The following P3H2 variants were observed in gnomAD, a reference collection of about 807,000 sequenced individuals.
P3H2 encodes leprecan-like 1.
Under a neutral mutation model 87.0 loss-of-function variants are expected in P3H2, and 80 were observed. The observed-to-expected ratio is 0.92, with a 90% CI of 0.77 to 1.11. P3H2 has a LOEUF of 1.11. P3H2 is among the 50% of genes least tolerant of loss of function. The pLI is 0.00. For missense variants in P3H2, 1,001 were observed against 923.9 expected, an observed-to-expected ratio of 1.08 and a Z score of -1.08; for synonymous variants, 367 against 359.3, an observed-to-expected ratio of 1.02 and a Z score of -0.24.
At position 189,994,012 on chromosome 3, in the gene P3H2, T is replaced by C. The variant is rs1028748968; in HGVS notation, c.823+82A>G. ...TTTATTTTTACAGTATATTCTTCTA[T>C]TTTGCTGGAATAGTTTTTTACAAAT... On this transcript the variant is annotated intron_variant, in intron 3 of 14. Coordinates refer to ENST00000319332, the MANE Select transcript of P3H2 (RefSeq NM_018192.4). 42 of 1,037,840 alleles carry C rather than the reference T, an allele frequency of 4.0e-5. No individual in the cohort carries two copies. The Admixed American group carries it at 7.7e-4, about 19-fold the overall frequency. The allele number at this position is 1,037,840 out of a possible 1,614,324, so 64.3% of individuals were successfully genotyped here.
chr3:190,058,898 A>G (rs931584563), intron 1 of P3H2, among the ~76,000 whole-genome samples: 2 of 152,222 alleles, frequency 1.3e-5, no homozygotes, highest in African/African-American at 4.8e-5. Context: ...AGGAGACTTT[A>G]CAGTGAAACA....
At chr3:190,019,750 G>A (rs1179672679) in intron 1 of P3H2, among the ~76,000 whole-genome samples, 1 of 114,962 alleles carries the variant, frequency 8.7e-6, no homozygotes, top group Non-Finnish European at 1.8e-5. Flanking sequence ...GGAAGAAAAG[G>A]AAAAAATCCA....
At chr3:190,061,688 C>T (rs545937432) in intron 1 of P3H2, among the ~76,000 whole-genome samples, 10 of 152,262 alleles carry the variant, frequency 6.6e-5, no homozygotes, top group African/African-American at 2.4e-4. Flanking sequence ...GCCTTGCCTC[C>T]TTCTAACTCA....
chr3:189,982,746 G>A (rs1454794558), intron 8 of P3H2, among the ~76,000 whole-genome samples: 1 of 152,184 alleles, frequency 6.6e-6, no homozygotes, highest in Non-Finnish European at 1.5e-5. Context: ...ATAGGAAATT[G>A]CTAAGCCTCC....
intron 1 of P3H2, among the ~76,000 whole-genome samples, chr3:190,060,810 G>A (rs531498148): frequency 4.9e-4 from 75 of 152,234 alleles, no homozygotes; most frequent in African/African-American, 1.7e-3. Context: ...GTACTAACAT[G>A]CTAAAAATAT....
chr3:190,099,245 A>G (rs184896245), intron 1 of P3H2, among the ~76,000 whole-genome samples: 1 of 152,352 alleles, frequency 6.6e-6, no homozygotes, highest in African/African-American at 2.4e-5. Context: ...GGAACGAAGA[A>G]TAAACTTCTG....
intron 1 of P3H2, among the ~76,000 whole-genome samples, chr3:190,004,257 A>G (rs1372119919): frequency 6.6e-6 from 1 of 152,238 alleles, no homozygotes; most frequent in Admixed American, 6.5e-5. Context: ...ATGGCCATTT[A>G]TTGAGTTTGT....
chr3:190,072,182 C>T (rs766434669), intron 1 of P3H2, among the ~76,000 whole-genome samples: 2 of 151,978 alleles, frequency 1.3e-5, no homozygotes, highest in Non-Finnish European at 2.9e-5. Context: ...TGTGCCACCA[C>T]GCTTGGCTAA....
intron 1 of P3H2, among the ~76,000 whole-genome samples, chr3:190,112,955 T>G (rs996858000): frequency 3.3e-5 from 5 of 152,148 alleles, no homozygotes; most frequent in African/African-American, 9.7e-5. Context: ...GGAGGAATTA[T>G]TTTTCCTAAT....
chr3:190,003,008 G>T lies in P3H2; in HGVS notation c.481-7566C>A, dbSNP rs12629493. On this transcript the variant is annotated intron_variant, in intron 1 of 14. Coordinates refer to ENST00000319332, the MANE Select transcript of P3H2 (RefSeq NM_018192.4). ...AAATGAACTTATCTTTGCATTTATG[G>T]AATGTCACTCTAAAATACAGTCATA... is the stretch of plus-strand genomic sequence containing the variant. Among the ~76,000 whole-genome samples the T allele has an allele frequency of 2.4e-3, 361 of 152,176 alleles. 1 individual carries two copies. The highest frequency in any genetic ancestry group is 0.015 in the South Asian group (70 of 4,818).
At chr3:189,973,190 G>T (rs1255966251) in intron 10 of P3H2, 166 bp from the exon 11 acceptor site, 4 of 622,052 alleles carry the variant, frequency 6.4e-6, no homozygotes, top group African/African-American at 3.7e-5. Flanking sequence ...TGTGCCATTG[G>T]AATAAACTCT....
chr3:190,046,331 T>C (rs955178437), intron 1 of P3H2, among the ~76,000 whole-genome samples: 8 of 152,174 alleles, frequency 5.3e-5, no homozygotes, highest in Non-Finnish European at 7.3e-5. Context: ...AGATAACTCA[T>C]GCCAAACACC....
At chr3:189,965,995 A>G (rs1244992854) in intron 13 of P3H2, among the ~76,000 whole-genome samples, 3 of 150,606 alleles carry the variant, frequency 2.0e-5, no homozygotes, top group Non-Finnish European at 4.4e-5. Context: ...AAGAAAGAAA[A>G]GAAAGAAGAG....
At position 190,089,048 on chromosome 3, in the gene P3H2, G is replaced by A. The variant is rs571071382; in HGVS notation, c.480+31204C>T. Among the ~76,000 whole-genome samples, 12 of 152,278 alleles carry A rather than the reference G, an allele frequency of 7.9e-5. No individual in the cohort carries two copies. The South Asian group carries it at 2.5e-3, about 32-fold the overall frequency. On this transcript the variant is annotated intron_variant, in intron 1 of 14. Transcript: ENST00000319332. ...CGTGGTGTCCCCAGGCAGATATTGG[G>A]AGCTCCACACTGACACCATATTCTC... is the stretch of plus-strand genomic sequence containing the variant.
At chr3:190,116,705 T>G (rs1560024700) in intron 1 of P3H2, 1 of 152,244 alleles carries the variant, frequency 6.6e-6, no homozygotes, top group African/African-American at 2.4e-5. Context: ...CACTGAAGGT[T>G]TCTGAGCAGA....
At chr3:190,016,639 T>C (rs1381169489) in intron 1 of P3H2, among the ~76,000 whole-genome samples, 1 of 152,256 alleles carries the variant, frequency 6.6e-6, no homozygotes, top group Admixed American at 6.5e-5. Flanking sequence ...TAATGCCAAG[T>C]TTGCAAATTA....
chr3:189,970,715 G>T, intron 13 of P3H2, 101 bp downstream of exon 13: 1 of 749,544 alleles, frequency 1.3e-6, no homozygotes, highest in Non-Finnish European at 2.4e-6. Context: ...GAAATCTTGA[G>T]CTCAGAAGTA....
chr3:190,062,002 T>C (rs997229598), intron 1 of P3H2, among the ~76,000 whole-genome samples: 2 of 152,096 alleles, frequency 1.3e-5, no homozygotes, highest in African/African-American at 4.8e-5. Context: ...TAGTTGGATT[T>C]TCTTTCTCCT....
At chr3:189,966,151 G>GAAAGAAAGA (rs1265999550) in intron 13 of P3H2, among the ~76,000 whole-genome samples, 3 of 141,652 alleles carry the variant, frequency 2.1e-5, no homozygotes, top group African/African-American at 8.5e-5. Flanking sequence ...AAGAAAGAAA[G>GAAAGAAAGA]AAAGAAAGAA....
Sources: gnomAD v4.1 joint callset for allele counts (sites outside exome capture counted in the v4.1 genomes callset) on GRCh38, gnomAD v4.1.1 for gene constraint, MANE v1.5 for transcripts, NCBI Gene and HGNC (gene_info 2026-07-23, HGNC 2026-07-21) for gene names.